GINS1: variants seen among roughly 807,000 people sequenced by gnomAD.
The protein encoded by GINS1 is GINS complex subunit 1.
In GINS1, 26 loss-of-function variants were observed where a neutral mutation model predicts 34.9. The observed-to-expected ratio is 0.74, with a 90% CI of 0.55 to 1.03. The LOEUF is 1.03. GINS1 is among the 50% of genes least tolerant of loss of function. GINS1 has a pLI of 0.00. For synonymous variants in GINS1, 97 were observed against 84.4 expected, an observed-to-expected ratio of 1.15 and a Z score of -0.82; for missense variants, 235 against 237.9, an observed-to-expected ratio of 0.99 and a Z score of 0.08.
chr20:25,408,876 G>C (rs1227078509), intron 1 of GINS1: 1 of 975,402 alleles, frequency 1.0e-6, no homozygotes, highest in Non-Finnish European at 1.2e-6. Context: ...TTACGTCATA[G>C]AGCAGGCATT....
chr20:25,409,094 A>G lies in GINS1; in HGVS notation c.75+1199A>G, dbSNP rs1307713648. The G allele has an allele frequency of 1.3e-5, 12 of 906,828 alleles. No homozygotes were observed. In the African/African-American group the frequency reaches 2.0e-4, roughly 15 times the overall value. 56.2% of individuals were successfully genotyped at this position (906,828 alleles called of 1,614,324 possible). A position where few individuals can be genotyped will look rare whatever the true frequency, so the allele number is the denominator to read the frequency against. The stretch of plus-strand genomic sequence containing the variant: ...GAAGGAAGCGAGGCATCCCAGCCAA[A>G]GGATGCTGCAGCACAAAGTCACGTG... On this transcript the variant is annotated intron_variant, in intron 1 of 6. Coordinates refer to ENST00000262460, the MANE Select transcript of GINS1 (RefSeq NM_021067.5).
At chr20:25,417,270 A>C in intron 3 of GINS1, 68 bp downstream of exon 3, 2 of 758,010 alleles carry the variant, frequency 2.6e-6, no homozygotes, top group Non-Finnish European at 4.7e-6. Context: ...ACCATCTCAA[A>C]TGGGTAACAT....
At chr20:25,442,334 A>ATCTGTCTGTCTGTCTG (rs542531370) in intron 6 of GINS1, among the ~76,000 whole-genome samples, 99 of 135,504 alleles carry the variant, frequency 7.3e-4, no homozygotes, top group African/African-American at 2.4e-3. Flanking sequence ...CCATCTATCT[A>ATCTGTCTGTCTGTCTG]TCTATCTGTC....
At chr20:25,423,035 C>T (rs1323896380) in intron 4 of GINS1, among the ~76,000 whole-genome samples, 1 of 152,134 alleles carries the variant, frequency 6.6e-6, no homozygotes, top group African/African-American at 2.4e-5. Flanking sequence ...CCCCAGCCTC[C>T]CAAAGTGCTG....
rs1238071326 is a variant in GINS1, at chr20:25,437,419, A to G, written c.448-4283A>G. On this transcript the variant is annotated intron_variant, in intron 5 of 6. Transcript: ENST00000262460. The stretch of plus-strand genomic sequence containing the variant: ...TGTGGCCTGCCACAAAGCTAGGAAC[A>G]GGGGATGGTTAGCTGCTGCTATGCT... Among the ~76,000 whole-genome samples the G allele has an allele frequency of 2.0e-5, 3 of 151,648 alleles. No homozygotes were observed. The East Asian group carries it at 5.8e-4, about 29-fold the overall frequency.
chr20:25,413,678 A>G (rs2090301592), intron 1 of GINS1, 112 bp from the exon 2 acceptor site: 3 of 712,376 alleles, frequency 4.2e-6, no homozygotes, highest in Non-Finnish European at 7.7e-6. Flanking sequence ...TGAAAGGACT[A>G]TTGCTTTTTG....
chr20:25,445,530 G>A (rs567114657), intron 6 of GINS1, among the ~76,000 whole-genome samples: 16 of 152,250 alleles, frequency 1.1e-4, no homozygotes, highest in African/African-American at 3.9e-4. Flanking sequence ...TGCATTTTTA[G>A]TAGAGACGGG....
chr20:25,436,301 A>G (rs964196683), intron 5 of GINS1, among the ~76,000 whole-genome samples: 1 of 152,106 alleles, frequency 6.6e-6, no homozygotes, highest in Non-Finnish European at 1.5e-5. Flanking sequence ...TTTGATTATA[A>G]TGTGTCTCAT....
At position 25,407,867 on chromosome 20, in the gene GINS1, C is replaced by A; in HGVS notation, c.47C>A (p.Ala16Glu). Reference sequence around the variant, plus strand: ...GAACTGATCCGCGAGCTGCATCGCGCGCCCGAAGGGCAACTGCCTGCCTTC... The same window carrying A: ...GAACTGATCCGCGAGCTGCATCGCGAGCCCGAAGGGCAACTGCCTGCCTTC... ...AMELIRELHRAPEGQLPAFNE... is the reference protein window; with the variant it reads ...AMELIRELHREPEGQLPAFNE... Residue 16 changes from alanine (A) to glutamate (E), a missense_variant, in exon 1 of 7, where the codon GCG becomes GAG. Coordinates refer to ENST00000262460, the MANE Select transcript of GINS1 (RefSeq NM_021067.5). 1 of 1,613,840 alleles carries A rather than the reference C, an allele frequency of 6.2e-7. No homozygotes were observed. The highest frequency in any genetic ancestry group is 8.5e-7 in the Non-Finnish European group (1 of 1,179,814).
At chr20:25,428,967 CTCTTT>C (rs2090409951) in intron 5 of GINS1, among the ~76,000 whole-genome samples, 1 of 114,162 alleles carries the variant, frequency 8.8e-6, no homozygotes, top group African/African-American at 3.3e-5. Context: ...TCATTCCTCT[CTCTTT>C]TTTTTTTTTT....
intron 5 of GINS1, among the ~76,000 whole-genome samples, chr20:25,435,789 C>CAAAAAAAAA (rs1491415398): frequency 1.5e-5 from 1 of 67,382 alleles, no homozygotes; most frequent in Non-Finnish European, 2.5e-5. Flanking sequence ...AAAAAAAAAA[C>CAAAAAAAAA]CAACTTTTTG....
At chr20:25,408,273 G>T (rs1193242663) in intron 1 of GINS1, among the ~76,000 whole-genome samples, 1 of 152,106 alleles carries the variant, frequency 6.6e-6, no homozygotes, top group East Asian at 1.9e-4. Context: ...TGTGACTTTG[G>T]GGCAGTTACT....
At chr20:25,419,314 C>T (rs755365079) in intron 4 of GINS1, among the ~76,000 whole-genome samples, 6 of 150,926 alleles carry the variant, frequency 4.0e-5, no homozygotes, top group Non-Finnish European at 5.9e-5. Flanking sequence ...CAAACCTGCA[C>T]GTTCAGCACA....
intron 5 of GINS1, among the ~76,000 whole-genome samples, chr20:25,438,463 C>T: frequency 6.8e-6 from 1 of 146,388 alleles, no homozygotes; most frequent in East Asian, 2.0e-4. Context: ...AATTGGATCA[C>T]ATCAATTACG....
chr20:25,417,522 A>C (rs1402229012), intron 3 of GINS1, among the ~76,000 whole-genome samples: 1 of 152,044 alleles, frequency 6.6e-6, no homozygotes, highest in Non-Finnish European at 1.5e-5. Context: ...TTCACTACTG[A>C]ATACGGTAGT....
At chr20:25,420,957 C>T (rs973287715) in intron 4 of GINS1, 1 of 984,176 alleles carries the variant, frequency 1.0e-6, no homozygotes, top group African/African-American at 1.7e-5. Context: ...CTGCATCAGC[C>T]ATTTTGGACC....
intron 5 of GINS1, among the ~76,000 whole-genome samples, chr20:25,435,387 C>T (rs2090448515): frequency 6.6e-6 from 1 of 152,166 alleles, no homozygotes. Context: ...TAATCTCAAA[C>T]TCCTGGGCTG....
intron 1 of GINS1, among the ~76,000 whole-genome samples, chr20:25,412,673 TACA>T (rs1220307621): frequency 6.6e-6 from 1 of 152,258 alleles, no homozygotes; most frequent in Non-Finnish European, 1.5e-5. Context: ...ATAATTTACA[TACA>T]ACATGTGTAT....
intron 4 of GINS1, chr20:25,419,724 G>A (rs1235636771): frequency 9.4e-6 from 3 of 319,662 alleles, no homozygotes; most frequent in South Asian, 2.6e-5. Context: ...GTACAGTGGT[G>A]CATTCTCTGC....
Sources: gnomAD v4.1 joint callset for allele counts (sites outside exome capture counted in the v4.1 genomes callset) on GRCh38, gnomAD v4.1.1 for gene constraint, MANE v1.5 for transcripts, NCBI Gene and HGNC (gene_info 2026-07-23, HGNC 2026-07-21) for gene names.